Variants in PRAG1 observed in about 807,000 individuals in gnomAD.
The protein encoded by PRAG1 is PEAK1 related, kinase-activating pseudokinase 1.
A neutral mutation model predicts 95.6 loss-of-function variants in PRAG1; 110 were observed. The ratio of observed to expected loss-of-function variants is 1.15; its 90% confidence interval spans 0.99 to 1.35. The LOEUF (loss-of-function observed/expected upper bound fraction) is 1.35, where lower values mean the gene tolerates loss of function less well. PRAG1 is among the 40% of genes most tolerant of loss of function. The pLI, the probability that PRAG1 is intolerant of heterozygous loss-of-function variation, is 0.00. For missense variants in PRAG1, 2,554 were observed against 1,864.7 expected (o/e 1.37, Z -6.81); for synonymous variants, 1,052 against 819.4 (o/e 1.28, Z -4.85).
In PRAG1 at chr8:8,377,226, C is replaced by T. The variant is rs200001017; in HGVS notation, c.1183G>A (p.Gly395Arg). 96 of 1,612,478 alleles carry T rather than the reference C, an allele frequency of 6.0e-5. No homozygotes were observed. In the East Asian group the frequency reaches 2.1e-3, roughly 36 times the overall value. ...VTPSRCLGLT[G>R]EPQPPAHPRE... ...GGGTGGGCCGGGGGCTGGGGCTCCC[C>T]CGTCAGCCCAAGGCATCTGCTAGGG... Residue 395 changes from glycine (G) to arginine (R), a missense_variant, in exon 3 of 6, where the codon GGG (glycine) becomes AGG (arginine). Gly to Arg is a moderately radical substitution (Grantham distance 125). Transcript: ENST00000615670.
In PRAG1 at chr8:8,351,645, T is replaced by C. The variant is rs138461186; in HGVS notation, c.2163-12010A>G. On this transcript the variant is annotated intron_variant, in intron 3 of 5. Transcript: ENST00000615670. ...TGAATTTGTGTGTTCAAGAACTAGATAATTTATAGTATAGCCCCAGATCCA... is the reference window on the plus strand; with the variant it reads ...TGAATTTGTGTGTTCAAGAACTAGACAATTTATAGTATAGCCCCAGATCCA... Among the ~76,000 whole-genome samples, 721 of 152,364 alleles carry C rather than the reference T, an allele frequency of 4.7e-3. 4 individuals carry two copies. The highest frequency in any genetic ancestry group is 0.016 in the African/African-American group (683 of 41,592).
At chr8:8,324,467 C>T (rs1330798231) in intron 5 of PRAG1, among the ~76,000 whole-genome samples, 1 of 151,970 alleles carries the variant, frequency 6.6e-6, no homozygotes, top group Non-Finnish European at 1.5e-5. Flanking sequence ...CTAACTAGCC[C>T]TGTGAGTGAG....
chr8:8,355,621 C>G (rs573000977), intron 3 of PRAG1, among the ~76,000 whole-genome samples: 38 of 152,184 alleles, frequency 2.5e-4, no homozygotes, highest in African/African-American at 8.4e-4. Flanking sequence ...AGAAATTGAT[C>G]CAGACATACA....
chr8:8,323,103 G>A (rs1298578315), intron 5 of PRAG1, among the ~76,000 whole-genome samples: 2 of 152,180 alleles, frequency 1.3e-5, no homozygotes, highest in East Asian at 3.9e-4. Flanking sequence ...TGGCTTCCAG[G>A]ATGAGGGCTG....
At chr8:8,350,502 G>A (rs1340347407) in intron 3 of PRAG1, among the ~76,000 whole-genome samples, 2 of 152,224 alleles carry the variant, frequency 1.3e-5, no homozygotes, top group Non-Finnish European at 2.9e-5. Context: ...ACTAACAAGA[G>A]AGTAACTGCA....
intron 3 of PRAG1, among the ~76,000 whole-genome samples, chr8:8,351,626 T>C (rs950493103): frequency 1.8e-4 from 28 of 152,246 alleles, no homozygotes; most frequent in Non-Finnish European, 7.3e-5. Context: ...ATTTTGAATT[T>C]GTGTGTTCAA....
intron 4 of PRAG1, among the ~76,000 whole-genome samples, chr8:8,333,896 C>G (rs1205645972): frequency 1.3e-5 from 2 of 152,240 alleles, no homozygotes; most frequent in Non-Finnish European, 2.9e-5. Context: ...TAGTGCAATT[C>G]TCTCATGTGA....
In PRAG1 at chr8:8,318,756, T is replaced by G. The variant is rs1317534112; in HGVS notation, c.3619A>C (p.Lys1207Gln). Residue 1207 changes from lysine (K) to glutamine (Q), a missense_variant, in exon 6 of 6, where the codon AAG becomes CAG. Lys to Gln is a moderately conservative substitution (Grantham distance 53, BLOSUM62 1). Coordinates refer to ENST00000615670, the MANE Select transcript of PRAG1 (RefSeq NM_001080826.3). This position sits in a 1 kb window ranked among gnomAD's most constrained non-coding sequence, Gnocchi z 4.2. ...CTGATGATGAGCCGGGGCAGCTGCT[T>G]CTCCCGGGGCCCTTCCGGGGAGGCG... is the stretch of plus-strand genomic sequence containing the variant. ...GPASPEGPRE[K>Q]QLPRLIISNF... The G allele has an allele frequency of 6.3e-7, 1 of 1,589,410 alleles. No homozygotes were observed. The highest frequency in any genetic ancestry group is 1.7e-5 in the Admixed American group (1 of 58,112).
At chr8:8,381,979 C>A in intron 1 of PRAG1, 145 bp from the exon 2 acceptor site, 1 of 467,444 alleles carries the variant, frequency 2.1e-6, no homozygotes, top group East Asian at 3.5e-5. Flanking sequence ...GACCCTCGCC[C>A]ATTTGTCACA....
intron 3 of PRAG1, among the ~76,000 whole-genome samples, chr8:8,375,092 AT>A (rs1328680949): frequency 6.7e-6 from 1 of 148,440 alleles, no homozygotes; most frequent in Non-Finnish European, 1.5e-5. Context: ...AAAAAAAAAA[AT>A]TTATTTTTCT....
rs1798681784 is a variant in PRAG1 at position 8,327,865 on chromosome 8, G to C, written c.2917C>G (p.Leu973Val). 3 of 1,614,212 alleles carry C rather than the reference G, an allele frequency of 1.9e-6. No homozygotes were observed. The highest frequency in any genetic ancestry group is 2.5e-6 in the Non-Finnish European group (3 of 1,180,038). ...LARLVAKCED[L>V]FMGGQKKELH... ...TCCTTTTTCTGGCCGCCCATGAAGA[G>C]GTCCTCACATTTGGCTACAAGGCGG... Residue 973 changes from leucine (L) to valine (V), a missense_variant, in exon 5 of 6, where the codon CTC becomes GTC. Leu to Val is a conservative substitution (Grantham distance 32). Transcript: ENST00000615670.
intron 1 of PRAG1, among the ~76,000 whole-genome samples, chr8:8,382,432 C>G (rs1192173625): frequency 6.6e-6 from 1 of 152,164 alleles, no homozygotes; most frequent in Non-Finnish European, 1.5e-5. Context: ...TCCTCTAGAC[C>G]TTATGCAGAG....
chr8:8,345,029 G>T (rs892033798), intron 3 of PRAG1, among the ~76,000 whole-genome samples: 4 of 148,822 alleles, frequency 2.7e-5, no homozygotes, highest in African/African-American at 9.9e-5. Context: ...TGTGATTACA[G>T]GATAAATTAT....
At chr8:8,383,997 G>T (rs1800767064) in intron 1 of PRAG1, among the ~76,000 whole-genome samples, 1 of 152,206 alleles carries the variant, frequency 6.6e-6, no homozygotes, top group Admixed American at 6.5e-5. Context: ...AAAGGACACT[G>T]TCCAGCCCAC....
In PRAG1 at chr8:8,362,387, C is replaced by T. The variant is rs114673717; in HGVS notation, c.2162+13860G>A. Among the ~76,000 whole-genome samples, 829 of 152,310 alleles carry T rather than the reference C, an allele frequency of 5.4e-3. 8 individuals carry two copies. The highest frequency in any genetic ancestry group is 0.019 in the African/African-American group (796 of 41,562). On this transcript the variant is annotated intron_variant, in intron 3 of 5. Transcript: ENST00000615670. ...GAAGTACTTTGTCACACCCCTGTGACGTTTCTTACTTGGTCTGTGCACAGA... is the reference window on the plus strand; with the variant it reads ...GAAGTACTTTGTCACACCCCTGTGATGTTTCTTACTTGGTCTGTGCACAGA...
intron 3 of PRAG1, chr8:8,374,782 A>C (rs1383099346): frequency 4.6e-6 from 4 of 862,364 alleles, no homozygotes; most frequent in Middle Eastern, 5.9e-4. Flanking sequence ...AGTAGTGGTC[A>C]TGAGAAAAAA....
At chr8:8,381,395 C>A (rs1168559603) in intron 2 of PRAG1, 23 bp downstream of exon 2, 1 of 1,584,392 alleles carries the variant, frequency 6.3e-7, no homozygotes, top group East Asian at 2.3e-5. Flanking sequence ...TGTAAAAATA[C>A]CACGAGTGTT....
At chr8:8,367,541 T>C (rs1021281664) in intron 3 of PRAG1, among the ~76,000 whole-genome samples, 1 of 147,318 alleles carries the variant, frequency 6.8e-6, no homozygotes, top group Non-Finnish European at 1.5e-5. Context: ...GCTTTTAAAA[T>C]TGGACTCTCC....
At chr8:8,334,602 G>A (rs1271490322) in intron 4 of PRAG1, among the ~76,000 whole-genome samples, 2 of 150,844 alleles carry the variant, frequency 1.3e-5, no homozygotes, top group Admixed American at 6.7e-5. Context: ...CAATAATCAA[G>A]ATGTGAATGT....
Sources: gnomAD v4.1 joint callset for allele counts (sites outside exome capture counted in the v4.1 genomes callset) on GRCh38, gnomAD v4.1.1 for gene constraint, Gnocchi (gnomAD v3.1) non-coding constraint, MANE v1.5 for transcripts, NCBI Gene and HGNC (gene_info 2026-07-23, HGNC 2026-07-21) for gene names.